CHAT: variants seen among roughly 807,000 people sequenced by gnomAD.
CHAT encodes acetyl CoA:choline O-acetyltransferase.
A neutral mutation model predicts 76.9 loss-of-function variants in CHAT; 61 were observed. That is an observed-to-expected ratio of 0.79 (90% CI 0.65 to 0.98). The LOEUF (loss-of-function observed/expected upper bound fraction) is 0.98. CHAT is among the 50% of genes least tolerant of loss of function. The pLI is 0.00. For missense variants in CHAT, 946 were observed against 986.9 expected (o/e 0.96, Z 0.56); for synonymous variants, 407 against 397.4 (o/e 1.02, Z -0.29).
In CHAT at chr10:49,651,896, C is replaced by A. The variant is rs1367874741; in HGVS notation, c.1524C>A (p.Asn508Lys). The A allele has an allele frequency of 8.7e-6, 14 of 1,613,778 alleles. No individual in the cohort carries two copies. Among genetic ancestry groups the A allele is most frequent in the East Asian group, 2.2e-5 (1 of 44,900 alleles). ...TTTTCTTCCTCAGAATAGTAAAGAACCTTGACTTCATTGTCTATAAGTTTG... is the reference window on the plus strand; with the variant it reads ...TTTTCTTCCTCAGAATAGTAAAGAAACTTGACTTCATTGTCTATAAGTTTG... ...SAEKLQRIVK[N>K]LDFIVYKFDN... The change falls in exon 11 of 15, where the codon AAC becomes AAA. Residue 508 changes from asparagine to lysine, a missense_variant. Around this residue, in one of 3 missense-constraint regions of CHAT, gnomAD observed 349 missense variants for 393.9 expected, o/e 0.89. Transcript: ENST00000337653.
At chr10:49,616,336 G>A (rs1838493122) in intron 1 of CHAT, among the ~76,000 whole-genome samples, 166 bp from the exon 2 acceptor site, 1 of 152,180 alleles carries the variant, frequency 6.6e-6, no homozygotes, top group African/African-American at 2.4e-5. Context: ...GCACGTACAG[G>A]TGGAAGTAGA....
intron 7 of CHAT, among the ~76,000 whole-genome samples, chr10:49,636,753 T>A (rs577230248): frequency 2.7e-4 from 41 of 152,340 alleles, no homozygotes; most frequent in Admixed American, 7.2e-4. Flanking sequence ...GAGTTATTTA[T>A]GTCCTACTGC....
intron 7 of CHAT, among the ~76,000 whole-genome samples, chr10:49,629,616 C>G (rs1470082550): frequency 6.6e-6 from 1 of 152,200 alleles, no homozygotes; most frequent in Non-Finnish European, 1.5e-5. Flanking sequence ...CTGGATTGCC[C>G]CAAGGTCTGA....
chr10:49,665,447 G>A lies in CHAT; in HGVS notation c.*401G>A, dbSNP rs1840321419. ...GATGAGTCACTCTATTACATGCAAC[G>A]TACCTAATGAGTTAGGAAGGAAGAG... On this transcript the variant is annotated 3_prime_UTR_variant, in exon 15 of 15. Coordinates refer to ENST00000337653, the MANE Select transcript of CHAT (RefSeq NM_020549.5). Among the ~76,000 whole-genome samples, 4 of 152,140 alleles carry A rather than the reference G, an allele frequency of 2.6e-5. No individual in the cohort carries two copies. Among genetic ancestry groups the A allele is most frequent in the Non-Finnish European group, 4.4e-5 (3 of 68,020 alleles).
chr10:49,659,328 C>G (rs1423260861), intron 13 of CHAT, among the ~76,000 whole-genome samples: 2 of 152,010 alleles, frequency 1.3e-5, no homozygotes, highest in African/African-American at 4.8e-5. Flanking sequence ...TCTCATAAAG[C>G]TACTGGAGAA....
rs7923716 is a variant in CHAT at position 49,614,180 on chromosome 10, T to G, written c.-10T>G. 1,532,577 of 1,542,478 alleles carry G rather than the reference T, an allele frequency of 0.99. 761,490 individuals carry two copies. Among genetic ancestry groups the G allele is most frequent in the East Asian group, 1 (40,593 of 40,596 alleles). On this transcript the variant is annotated 5_prime_UTR_variant, in exon 1 of 15. Transcript: ENST00000337653. ...GAGCTGAGATCCCTGGGCGGGGAGC[T>G]GGGGAAGGGATGGGGCTGAGGACAG...
chr10:49,617,766 A>G (rs369024683), intron 2 of CHAT, among the ~76,000 whole-genome samples: 8 of 152,114 alleles, frequency 5.3e-5, no homozygotes, highest in African/African-American at 1.9e-4. Context: ...ATGGAAGAAC[A>G]AGATCAGCTG....
At chr10:49,651,564 A>G (rs1328276639) in intron 10 of CHAT, among the ~76,000 whole-genome samples, 1 of 152,166 alleles carries the variant, frequency 6.6e-6, no homozygotes, top group Non-Finnish European at 1.5e-5. Flanking sequence ...AATCCCGGGC[A>G]TGTCACCTGT....
At chr10:49,610,781 C>A (rs199520651), upstream of CHAT, 85 of 1,570,492 alleles carry the variant, frequency 5.4e-5, 1 homozygote, top group Non-Finnish European at 7.2e-5. Context: ...CGGGCGGCGG[C>A]CACCAAGCTG....
At position 49,625,378 on chromosome 10, in the gene CHAT, T is replaced by C. The variant is rs1838879414; in HGVS notation, c.753-95T>C. 4.3e-6 allele frequency: 5 copies of C among 1,161,058 alleles called. No individual in the cohort carries two copies. In the Admixed American group the frequency reaches 7.7e-5, roughly 18 times the overall value. The allele number at this position is 1,161,058 out of a possible 1,614,324, so 71.9% of individuals were successfully genotyped here. On this transcript the variant is annotated intron_variant, in intron 5 of 14. Transcript: ENST00000337653. Reference sequence around the variant, plus strand: ...GCAGTTCTGGGTTCTGTGCCCCATTTTGCCTGATCAAGTTACAATAAAACC... The same window carrying C: ...GCAGTTCTGGGTTCTGTGCCCCATTCTGCCTGATCAAGTTACAATAAAACC...
chr10:49,620,056 G>A, intron 3 of CHAT, 140 bp downstream of exon 3: 1 of 824,590 alleles, frequency 1.2e-6, no homozygotes, highest in Admixed American at 2.5e-5. Context: ...ATAGGTGTGG[G>A]AACAGGCAGG....
intron 7 of CHAT, among the ~76,000 whole-genome samples, chr10:49,635,839 A>G (rs1350649983): frequency 4.6e-5 from 7 of 152,194 alleles, no homozygotes; most frequent in African/African-American, 1.7e-4. Flanking sequence ...AAGGTGAAAG[A>G]CTGAATGCTT....
At chr10:49,656,956 A>G (rs1305129821) in intron 13 of CHAT, among the ~76,000 whole-genome samples, 1 of 151,840 alleles carries the variant, frequency 6.6e-6, no homozygotes, top group African/African-American at 2.4e-5. Context: ...TCTCTCTGAA[A>G]CCCTCCAAAA....
chr10:49,631,913 G>GATT (rs1839135769), intron 7 of CHAT, among the ~76,000 whole-genome samples: 6 of 151,612 alleles, frequency 4.0e-5, no homozygotes, highest in Admixed American at 6.6e-5. Context: ...ATTCATGATG[G>GATT]GGACCTAGGA....
At chr10:49,626,554 A>T (rs954468684) in intron 6 of CHAT, among the ~76,000 whole-genome samples, 1 of 152,104 alleles carries the variant, frequency 6.6e-6, no homozygotes, top group Non-Finnish European at 1.5e-5. Flanking sequence ...TTTGAAGGCC[A>T]TCTAGGAGCT....
intron 2 of CHAT, among the ~76,000 whole-genome samples, chr10:49,617,170 T>TCTTCCCC (rs146675172): frequency 1.3e-5 from 2 of 151,994 alleles, no homozygotes; most frequent in Non-Finnish European, 2.9e-5. Context: ...TTGCCACTCC[T>TCTTCCCC]CTTCCCCCTT....
In CHAT at chr10:49,649,637, G is replaced by A. The variant is rs1839804099; in HGVS notation, c.1511+1G>A. On this transcript the variant is annotated splice_donor_variant, in intron 10 of 14. Transcript: ENST00000337653. LOFTEE classifies it high-confidence loss of function. ...CCTCCTCGGCAGAAAAACTTCAACG[G>A]TAAGGATAACCGAAGTCTCCTTTGA... 6.2e-7 allele frequency: 1 copy of A among 1,613,716 alleles called. No individual in the cohort carries two copies. The highest frequency in any genetic ancestry group is 1.3e-5 in the African/African-American group (1 of 75,044).
rs568398783 is a variant in CHAT, at chr10:49,662,286, T to C, written c.1840-359T>C. Among the ~76,000 whole-genome samples the C allele has an allele frequency of 5.9e-5, 9 of 152,274 alleles. No individual in the cohort carries two copies. The East Asian group carries it at 1.7e-3, about 29-fold the overall frequency. On this transcript the variant is annotated intron_variant, in intron 13 of 14. Transcript: ENST00000337653. Reference sequence around the variant, plus strand: ...CCAAACTCTCTCCCTGCCCAAGCAGTTGGTAGTTGAGAAGACCAGGCCAGC... The same window carrying C: ...CCAAACTCTCTCCCTGCCCAAGCAGCTGGTAGTTGAGAAGACCAGGCCAGC...
intron 13 of CHAT, among the ~76,000 whole-genome samples, chr10:49,661,663 T>TACTC (rs1564497110): frequency 6.6e-6 from 1 of 152,156 alleles, no homozygotes; most frequent in African/African-American, 2.4e-5. Context: ...CCCCAAGAGT[T>TACTC]ACTCACAGTT....
Sources: allele counts gnomAD v4.1 joint callset (sites outside exome capture counted in the v4.1 genomes callset), GRCh38; gene constraint gnomAD v4.1.1; regional missense constraint gnomAD v4.1.1; transcripts MANE v1.5; gene names NCBI Gene and HGNC (gene_info 2026-07-23, HGNC 2026-07-21).